Variants in CC2D2A observed in about 807,000 individuals in gnomAD.
CC2D2A encodes the protein coiled-coil and C2 domain-containing protein 2A.
In CC2D2A, 155 loss-of-function variants were observed where a neutral mutation model predicts 212.9. The observed-to-expected ratio is 0.73, with a 90% confidence interval of 0.64 to 0.83. CC2D2A has a LOEUF of 0.83. Ranked by LOEUF, CC2D2A falls within the 40% of genes least tolerant of loss-of-function variation. The pLI, the probability that CC2D2A is intolerant of heterozygous loss-of-function variation, is 0.00. For synonymous variants in CC2D2A, 667 were observed against 686.5 expected, an observed-to-expected ratio of 0.97 and a Z score of 0.44; for missense variants, 1,856 against 1,956.2, an observed-to-expected ratio of 0.95 and a Z score of 0.97.
chr4:15,488,690 G>A (rs572558152), intron 4 of CC2D2A, among the ~76,000 whole-genome samples: 37 of 152,134 alleles, frequency 2.4e-4, no homozygotes, highest in Non-Finnish European at 3.8e-4. Context: ...TACCAGCCCA[G>A]CTCCTCACCT....
At chr4:15,567,515 G>A in intron 25 of CC2D2A, 33 bp downstream of exon 25, 1 of 1,569,656 alleles carries the variant, frequency 6.4e-7, no homozygotes. Context: ...TTTCCACCTT[G>A]CCCCTTAAGT....
At chr4:15,590,976 C>T (rs1488052866) in intron 33 of CC2D2A, among the ~76,000 whole-genome samples, 1 of 152,118 alleles carries the variant, frequency 6.6e-6, no homozygotes, top group Non-Finnish European at 1.5e-5. Context: ...GATCCACCTG[C>T]CTTAGCCTCC....
intron 4 of CC2D2A, among the ~76,000 whole-genome samples, chr4:15,500,075 TTG>T (rs753590658): frequency 7.7e-4 from 96 of 124,434 alleles, no homozygotes; most frequent in Middle Eastern, 3.9e-3. Context: ...CAAACCTAGA[TTG>T]TGTGTGTGTG....
intron 33 of CC2D2A, among the ~76,000 whole-genome samples, chr4:15,594,336 C>T (rs1365888548): frequency 6.6e-6 from 1 of 152,112 alleles, no homozygotes; most frequent in African/African-American, 2.4e-5. Flanking sequence ...ACAATAAAGA[C>T]AGTAAAAACC....
At chr4:15,477,046 T>A (rs1334767653) in intron 2 of CC2D2A, among the ~76,000 whole-genome samples, 1 of 152,204 alleles carries the variant, frequency 6.6e-6, no homozygotes, top group Non-Finnish European at 1.5e-5. Flanking sequence ...CTCACGCCTG[T>A]AATCCCAGCA....
At chr4:15,563,225 C>A in intron 23 of CC2D2A, 130 bp from the exon 24 acceptor site, 2 of 829,590 alleles carry the variant, frequency 2.4e-6, no homozygotes, top group Non-Finnish European at 3.7e-6. Context: ...ACTATTTCCA[C>A]CCACCTTCAA....
intron 8 of CC2D2A, chr4:15,511,703 C>T: frequency 4.7e-6 from 1 of 215,022 alleles, no homozygotes; most frequent in Non-Finnish European, 9.1e-6. Flanking sequence ...TCTTGCTAGA[C>T]TCCACGTAAT....
At chr4:15,561,305 G>A (rs1719587551) in intron 23 of CC2D2A, among the ~76,000 whole-genome samples, 1 of 152,044 alleles carries the variant, frequency 6.6e-6, no homozygotes. Flanking sequence ...TAAGTCTCTT[G>A]GTCTCCTAAA....
At chr4:15,600,917 A>AAAAAG (rs1191338381) in intron 36 of CC2D2A, among the ~76,000 whole-genome samples, 1 of 149,836 alleles carries the variant, frequency 6.7e-6, no homozygotes. Flanking sequence ...AAAAAAAAAA[A>AAAAAG]AAAAGAAAAA....
chr4:15,487,765 G>C (rs1370303190), intron 4 of CC2D2A, among the ~76,000 whole-genome samples: 1 of 145,414 alleles, frequency 6.9e-6, no homozygotes, highest in East Asian at 2.0e-4. Flanking sequence ...GTGTATAAGT[G>C]ATTTTCTCCA....
chr4:15,560,710 A>T (rs1719544448), intron 23 of CC2D2A, 88 bp downstream of exon 23: 3 of 634,768 alleles, frequency 4.7e-6, no homozygotes, highest in East Asian at 6.5e-5. Flanking sequence ...TAAGATTTTT[A>T]AAAATCATCG....
intron 11 of CC2D2A, among the ~76,000 whole-genome samples, chr4:15,521,234 GATATT>G (rs1276474598): frequency 1.3e-5 from 2 of 152,106 alleles, no homozygotes; most frequent in African/African-American, 4.8e-5. Context: ...AAATGGAGGA[GATATT>G]ATATCTATCT....
intron 33 of CC2D2A, among the ~76,000 whole-genome samples, chr4:15,595,486 TTAAC>T (rs1278219194): frequency 3.9e-5 from 6 of 152,234 alleles, no homozygotes; most frequent in African/African-American, 1.4e-4. Flanking sequence ...TACAGATTAA[TTAAC>T]TCACTGAATC....
intron 4 of CC2D2A, among the ~76,000 whole-genome samples, chr4:15,496,297 G>A (rs544395431): frequency 4.6e-5 from 7 of 152,252 alleles, no homozygotes; most frequent in African/African-American, 1.7e-4. Flanking sequence ...TCATAATGAA[G>A]TCTTTGCCAG....
chr4:15,486,889 T>C (rs1188730383), intron 4 of CC2D2A, among the ~76,000 whole-genome samples: 2 of 152,094 alleles, frequency 1.3e-5, no homozygotes, highest in Non-Finnish European at 2.9e-5. Context: ...ATTTTTTTAA[T>C]TCATCATTGA....
At chr4:15,479,719 C>A (rs144967561) in intron 3 of CC2D2A, among the ~76,000 whole-genome samples, 19 of 152,238 alleles carry the variant, frequency 1.2e-4, no homozygotes, top group African/African-American at 4.3e-4. Context: ...GCTTTAACCC[C>A]TTCCTGTGGG....
chr4:15,541,150 G>A (rs1462334159), intron 17 of CC2D2A, 136 bp downstream of exon 17: 7 of 597,992 alleles, frequency 1.2e-5, no homozygotes, highest in Non-Finnish European at 1.9e-5. Flanking sequence ...CATCTCTACT[G>A]TAAATACAAA....
chr4:15,486,326 A>G (rs1577316841), intron 4 of CC2D2A, among the ~76,000 whole-genome samples: 1 of 151,946 alleles, frequency 6.6e-6, no homozygotes, highest in East Asian at 1.9e-4. Context: ...TACTGCTTCT[A>G]TCTCATTACT....
intron 22 of CC2D2A, 97 bp from the exon 23 acceptor site, chr4:15,560,434 G>A (rs778994292): frequency 1.3e-4 from 81 of 628,172 alleles, no homozygotes; most frequent in Non-Finnish European, 2.0e-4. Flanking sequence ...GGACTGGGGG[G>A]ACACTGAGAT....
Sources: allele counts gnomAD v4.1 joint callset (sites outside exome capture counted in the v4.1 genomes callset), GRCh38; gene constraint gnomAD v4.1.1; transcripts MANE v1.5; gene names NCBI Gene and HGNC (gene_info 2026-07-23, HGNC 2026-07-21).